TTLL7: variants seen among roughly 807,000 people sequenced by gnomAD.
TTLL7 encodes the protein tubulin polyglutamylase TTLL7.
In TTLL7, 53 loss-of-function variants were observed where a neutral mutation model predicts 120.2. The ratio of observed to expected loss-of-function variants is 0.44; its 90% confidence interval spans 0.35 to 0.55. The LOEUF is 0.55. Among genes scored for constraint, TTLL7 ranks in the 20% least tolerant of loss-of-function variants. TTLL7 has a pLI of 0.00. For synonymous variants in TTLL7, 353 were observed against 351.7 expected, an observed-to-expected ratio of 1.00 and a Z score of -0.04; for missense variants, 803 against 1,054.7, an observed-to-expected ratio of 0.76 and a Z score of 3.31.
At chr1:83,878,041 C>A (rs1654089277) in intron 20 of TTLL7, among the ~76,000 whole-genome samples, 1 of 151,720 alleles carries the variant, frequency 6.6e-6, no homozygotes, top group African/African-American at 2.4e-5. Context: ...AGTTCAAAAT[C>A]TTTTCTTATG....
At chr1:83,911,387 T>A (rs772352063) in intron 14 of TTLL7, 24 bp from the exon 15 acceptor site, 1 of 1,561,212 alleles carries the variant, frequency 6.4e-7, no homozygotes, top group Non-Finnish European at 8.7e-7. Context: ...AAATGTGTTA[T>A]TTTGTTAGAA....
In TTLL7 at chr1:83,952,229, A is replaced by G; in HGVS notation, c.-18T>C. 1 of 1,613,942 alleles carries G rather than the reference A, an allele frequency of 6.2e-7. No individual in the cohort carries two copies. The highest frequency in any genetic ancestry group is 1.3e-5 in the African/African-American group (1 of 75,060). The stretch of plus-strand genomic sequence containing the variant: ...GATGGCATTATTGCCTGTGCTGATT[A>G]GCAAGCAGTGTGTGCTGCTGTACCA... On this transcript the variant is annotated 5_prime_UTR_variant, in exon 2 of 21. Coordinates refer to ENST00000260505, the MANE Select transcript of TTLL7 (RefSeq NM_024686.6).
At chr1:83,986,019 C>T (rs1652405205) in intron 1 of TTLL7, among the ~76,000 whole-genome samples, 1 of 152,196 alleles carries the variant, frequency 6.6e-6, no homozygotes, top group Admixed American at 6.5e-5. Flanking sequence ...TAAACAAACT[C>T]TTTCAGAAAA....
At chr1:83,914,686 T>C (rs973979870) in intron 14 of TTLL7, among the ~76,000 whole-genome samples, 3 of 152,160 alleles carry the variant, frequency 2.0e-5, no homozygotes, top group Non-Finnish European at 2.9e-5. Context: ...CCAGTTCTAA[T>C]AGCACTACCT....
At chr1:83,942,972 A>G (rs948812083) in intron 6 of TTLL7, among the ~76,000 whole-genome samples, 1 of 152,204 alleles carries the variant, frequency 6.6e-6, no homozygotes, top group Non-Finnish European at 1.5e-5. Flanking sequence ...CTCCCAGCTC[A>G]GCAGCAGCCT....
At chr1:83,929,074 C>A in intron 10 of TTLL7, 62 bp downstream of exon 10, 2 of 1,067,414 alleles carry the variant, frequency 1.9e-6, no homozygotes, top group Non-Finnish European at 2.7e-6. Flanking sequence ...ATTTTATGTA[C>A]AAATGATTAA....
chr1:83,903,623 A>G (rs919320879), intron 18 of TTLL7, among the ~76,000 whole-genome samples: 18 of 152,078 alleles, frequency 1.2e-4, no homozygotes, highest in African/African-American at 3.9e-4. Context: ...TACTTATAAT[A>G]TCTAATACAA....
At chr1:83,914,189 T>G (rs1657905885) in intron 14 of TTLL7, among the ~76,000 whole-genome samples, 2 of 152,162 alleles carry the variant, frequency 1.3e-5, no homozygotes, top group African/African-American at 4.8e-5. Context: ...CTGTATCATT[T>G]CACTATCCAA....
Position 83,907,466 on chromosome 1 carries a change from T to G in TTLL7, c.1982A>C (p.Asn661Thr). 3 of 1,611,956 alleles carry G rather than the reference T, an allele frequency of 1.9e-6. No homozygotes were observed. Among genetic ancestry groups the G allele is most frequent in the Non-Finnish European group, 2.5e-6 (3 of 1,178,672 alleles). Residue 661 changes from asparagine (N) to threonine (T), a missense_variant, in exon 16 of 21, where the codon AAC becomes ACC. Asn to Thr is a moderately conservative substitution (Grantham distance 65). Around this residue, in one of 3 missense-constraint regions of TTLL7, gnomAD observed 388 missense variants for 450.4 expected, o/e 0.86. Transcript: ENST00000260505. The stretch of plus-strand genomic sequence containing the variant: ...AAACAGATGACCTACCACTTGAGAG[T>G]TGGTAGAGCAGGCATCATTACTGTG... ...LPHSNDACST[N>T]SQVSESLRQL...
At chr1:83,902,355 T>C (rs1656794397) in intron 18 of TTLL7, 2 of 151,986 alleles carry the variant, frequency 1.3e-5, no homozygotes, top group South Asian at 2.1e-4. Context: ...GTAGTAACTG[T>C]GGTGTTTTGC....
At position 83,879,184 on chromosome 1, in the gene TTLL7, A is replaced by G. The variant is rs561955858; in HGVS notation, c.2543+3779T>C. Among the ~76,000 whole-genome samples the G allele has an allele frequency of 1.6e-4, 25 of 152,146 alleles. No homozygotes were observed. In the East Asian group the frequency reaches 4.4e-3, roughly 27 times the overall value. On this transcript the variant is annotated intron_variant, in intron 20 of 20. Coordinates refer to ENST00000260505, the MANE Select transcript of TTLL7 (RefSeq NM_024686.6). The stretch of plus-strand genomic sequence containing the variant: ...CTTCTACATTTAAGTAAAATGCTAA[A>G]GAGTCCGTTTCTTACCTATGAGGAA...
intron 18 of TTLL7, chr1:83,900,087 CAT>C (rs957216317): frequency 3.8e-5 from 15 of 399,942 alleles, no homozygotes; most frequent in South Asian, 1.1e-4. Context: ...ATTAGTCACA[CAT>C]GTCATTTAAT....
intron 17 of TTLL7, among the ~76,000 whole-genome samples, chr1:83,905,766 T>G (rs2100760575): frequency 6.6e-6 from 1 of 152,110 alleles, no homozygotes; most frequent in East Asian, 1.9e-4. Context: ...AGTAAGTCAC[T>G]GGTTTTAATG....
chr1:83,945,187 C>T (rs1274610018), intron 6 of TTLL7, among the ~76,000 whole-genome samples: 1 of 152,074 alleles, frequency 6.6e-6, no homozygotes, highest in Non-Finnish European at 1.5e-5. Context: ...GATTAACTCT[C>T]CAATAAAAGG....
rs548433756 is a variant in TTLL7 at position 83,886,578 on chromosome 1, C to T, written c.2370-3442G>A. On this transcript the variant is annotated intron_variant, in intron 19 of 20. Transcript: ENST00000260505. ...AAATAGACTACGCCTTAGAATATTC[C>T]TTAAAATTTCTTCTTGCCCTAAGAT... Among the ~76,000 whole-genome samples the T allele has an allele frequency of 3.3e-5, 5 of 152,114 alleles. No homozygotes were observed. In the East Asian group the frequency reaches 5.8e-4, roughly 18 times the overall value.
chr1:83,873,303 C>A (rs1448166326), intron 20 of TTLL7, among the ~76,000 whole-genome samples: 1 of 152,180 alleles, frequency 6.6e-6, no homozygotes, highest in Non-Finnish European at 1.5e-5. Context: ...CAGGGAAATA[C>A]AATGGATTAT....
At chr1:83,918,582 A>T (rs973842252) in intron 13 of TTLL7, among the ~76,000 whole-genome samples, 6 of 152,310 alleles carry the variant, frequency 3.9e-5, no homozygotes, top group African/African-American at 1.4e-4. Flanking sequence ...ATTAAATAAT[A>T]ATCTTACAAT....
At chr1:83,989,807 C>T (rs1652815189) in intron 1 of TTLL7, among the ~76,000 whole-genome samples, 1 of 152,114 alleles carries the variant, frequency 6.6e-6, no homozygotes, top group Non-Finnish European at 1.5e-5. Context: ...AATCCATGAG[C>T]ATGGAATGTT....
chr1:83,897,098 ATT>A (rs956778175), intron 18 of TTLL7, among the ~76,000 whole-genome samples: 2 of 151,604 alleles, frequency 1.3e-5, no homozygotes, highest in Non-Finnish European at 2.9e-5. Flanking sequence ...AAGGCAAATA[ATT>A]TTTTTTTAAT....
Sources: gnomAD v4.1 joint callset for allele counts (sites outside exome capture counted in the v4.1 genomes callset) on GRCh38, gnomAD v4.1.1 for gene constraint, gnomAD v4.1.1 regional missense constraint, MANE v1.5 for transcripts, NCBI Gene and HGNC (gene_info 2026-07-23, HGNC 2026-07-21) for gene names.